The following PRKCB variants were observed in gnomAD, a reference collection of about 807,000 sequenced individuals.
The protein encoded by PRKCB is protein kinase C beta.
In PRKCB, 13 loss-of-function variants were observed where a neutral mutation model predicts 81.5. The observed-to-expected ratio is 0.16, with a 90% CI of 0.10 to 0.25. PRKCB has a LOEUF of 0.25. Ranked by LOEUF, PRKCB falls within the 10% of genes least tolerant of loss-of-function variation. PRKCB has a pLI of 1.00. For missense variants in PRKCB, 509 were observed against 875.7 expected, an observed-to-expected ratio of 0.58 and a Z score of 5.29; for synonymous variants, 335 against 321.4, an observed-to-expected ratio of 1.04 and a Z score of -0.45.
intron 2 of PRKCB, among the ~76,000 whole-genome samples, chr16:23,901,363 C>T (rs994789874): frequency 2.0e-5 from 3 of 151,958 alleles, no homozygotes; most frequent in Non-Finnish European, 4.4e-5. Context: ...GTTAACTCAA[C>T]GGGGGCGCCT....
intron 2 of PRKCB, among the ~76,000 whole-genome samples, chr16:23,902,820 T>A (rs1424130064): frequency 8.3e-6 from 1 of 119,932 alleles, no homozygotes; most frequent in African/African-American, 3.3e-5. Flanking sequence ...CTTCCTTTTT[T>A]TGAGATAGGG....
In PRKCB at chr16:23,844,364, A is replaced by G. The variant is rs117868587; in HGVS notation, c.205+6958A>G. On this transcript the variant is annotated intron_variant, in intron 2 of 16. Transcript: ENST00000643927. ...TGTGATGGCTGCTTGAAAATCCAGTAGGAAATTTGTCTATTCACCACATAC... is the reference window on the plus strand; with the variant it reads ...TGTGATGGCTGCTTGAAAATCCAGTGGGAAATTTGTCTATTCACCACATAC... Among the ~76,000 whole-genome samples, 11 of 152,300 alleles carry G rather than the reference A, an allele frequency of 7.2e-5. No individual in the cohort carries two copies. In the East Asian group the frequency reaches 1.7e-3, roughly 24 times the overall value.
chr16:23,903,956 G>A lies in PRKCB; in HGVS notation c.205+66550G>A, dbSNP rs191970164. ...CATAGGCCCTTATTAAATATGTGTC[G>A]ACTAAATGAATATGTGGTCTTATTA... On this transcript the variant is annotated intron_variant, in intron 2 of 16. Coordinates refer to ENST00000643927, the MANE Select transcript of PRKCB (RefSeq NM_002738.7). Among the ~76,000 whole-genome samples, 102 of 152,230 alleles carry A rather than the reference G, an allele frequency of 6.7e-4. 1 individual carries two copies. Among genetic ancestry groups the A allele is most frequent in the African/African-American group, 2.3e-3 (97 of 41,506 alleles).
chr16:23,935,770 G>A (rs1964049851), intron 2 of PRKCB, among the ~76,000 whole-genome samples: 1 of 152,118 alleles, frequency 6.6e-6, no homozygotes, highest in South Asian at 2.1e-4. Context: ...GCAAATTAGA[G>A]CAAGAACAGA....
intron 2 of PRKCB, among the ~76,000 whole-genome samples, chr16:23,959,619 G>A (rs1338629956): frequency 6.6e-6 from 1 of 152,182 alleles, no homozygotes; most frequent in Admixed American, 6.5e-5. Context: ...TAGAATATTA[G>A]CGATTATCTT....
intron 9 of PRKCB, among the ~76,000 whole-genome samples, chr16:24,148,059 A>G (rs1967021484): frequency 6.6e-6 from 1 of 152,126 alleles, no homozygotes; most frequent in African/African-American, 2.4e-5. Flanking sequence ...GAGAGATGGG[A>G]GTCAGCATCT....
intron 2 of PRKCB, among the ~76,000 whole-genome samples, chr16:23,970,863 C>G (rs1204302503): frequency 1.3e-5 from 2 of 152,128 alleles, no homozygotes; most frequent in Non-Finnish European, 2.9e-5. Context: ...CATAATGACA[C>G]AGGAGGTGAA....
At chr16:23,954,328 T>C (rs1171451919) in intron 2 of PRKCB, among the ~76,000 whole-genome samples, 1 of 152,056 alleles carries the variant, frequency 6.6e-6, no homozygotes, top group Non-Finnish European at 1.5e-5. Flanking sequence ...CCTTGGCTAA[T>C]CTTTGTGACC....
chr16:24,078,819 A>G, intron 5 of PRKCB, among the ~76,000 whole-genome samples: 1 of 152,154 alleles, frequency 6.6e-6, no homozygotes, highest in East Asian at 1.9e-4. Flanking sequence ...AACGCTGGGA[A>G]CTGTAGGACC....
intron 8 of PRKCB, 110 bp from the exon 9 acceptor site, chr16:24,123,725 G>A (rs1373886595): frequency 8.7e-7 from 1 of 1,154,530 alleles, no homozygotes; most frequent in Admixed American, 2.4e-5. Flanking sequence ...TTTTCATGGG[G>A]ACAGGGTGCC....
intron 2 of PRKCB, among the ~76,000 whole-genome samples, chr16:23,910,668 C>T (rs934509790): frequency 6.6e-6 from 1 of 152,152 alleles, no homozygotes; most frequent in Non-Finnish European, 1.5e-5. Flanking sequence ...AGATAAAATT[C>T]ATATAATGTA....
chr16:24,056,808 C>T (rs1017699563), intron 5 of PRKCB, among the ~76,000 whole-genome samples: 1 of 152,160 alleles, frequency 6.6e-6, no homozygotes, highest in African/African-American at 2.4e-5. Context: ...CCTGGACAGC[C>T]TACAGAACCA....
At chr16:23,850,564 T>C (rs1041457313) in intron 2 of PRKCB, among the ~76,000 whole-genome samples, 3 of 152,130 alleles carry the variant, frequency 2.0e-5, no homozygotes, top group African/African-American at 7.2e-5. Flanking sequence ...GGGGTTTCAC[T>C]GTGTTGGTGA....
intron 2 of PRKCB, among the ~76,000 whole-genome samples, chr16:23,959,356 T>C (rs1873423): frequency 0.16 from 23,876 of 152,104 alleles, 2,208 homozygotes; most frequent in African/African-American, 0.24. Context: ...AAACTGACAC[T>C]GTGGAAGGGG....
At chr16:24,075,944 TTTTG>T (rs1966171362) in intron 5 of PRKCB, among the ~76,000 whole-genome samples, 1 of 152,178 alleles carries the variant, frequency 6.6e-6, no homozygotes, top group African/African-American at 2.4e-5. Flanking sequence ...ATTTCTTTTT[TTTTG>T]TTTGTTATTA....
intron 2 of PRKCB, among the ~76,000 whole-genome samples, chr16:23,849,156 C>T (rs1962428903): frequency 6.6e-6 from 1 of 152,256 alleles, no homozygotes; most frequent in Non-Finnish European, 1.5e-5. Flanking sequence ...AGTAGAATTG[C>T]AATCTGTGAT....
chr16:24,083,557 C>T (rs1054048430), intron 5 of PRKCB, among the ~76,000 whole-genome samples: 4 of 152,110 alleles, frequency 2.6e-5, no homozygotes, highest in Non-Finnish European at 5.9e-5. Flanking sequence ...GGCCCTTTGC[C>T]GAGAAAGAGA....
chr16:24,126,640 C>T (rs945391837), intron 9 of PRKCB, among the ~76,000 whole-genome samples: 1 of 152,058 alleles, frequency 6.6e-6, no homozygotes, highest in Non-Finnish European at 1.5e-5. Context: ...CATCTCGGCT[C>T]ACTGCAACCT....
rs1968285928 is a variant in PRKCB, at chr16:24,219,419, G to T, written c.*4603G>T. The T allele has an allele frequency of 2.0e-6, 2 of 985,662 alleles. No homozygotes were observed. Among genetic ancestry groups the T allele is most frequent in the African/African-American group, 1.7e-5 (1 of 57,184 alleles). The allele number at this position is 985,662 out of a possible 1,614,324, so 61.1% of individuals were successfully genotyped here. On this transcript the variant is annotated 3_prime_UTR_variant, in exon 17 of 17. Transcript: ENST00000643927. ...TGGGTGGATTTTCGAGCTGACGGTG[G>T]TCAATTCCTTTCATTAAGCAGTGAT...
Sources: gnomAD v4.1 joint callset for allele counts (sites outside exome capture counted in the v4.1 genomes callset) on GRCh38, gnomAD v4.1.1 for gene constraint, MANE v1.5 for transcripts, NCBI Gene and HGNC (gene_info 2026-07-23, HGNC 2026-07-21) for gene names.